Variants in HEPHL1 observed in about 807,000 individuals in gnomAD.
The protein encoded by HEPHL1 is ferroxidase HEPHL1.
A neutral mutation model predicts 122.0 loss-of-function variants in HEPHL1; 123 were observed. The observed-to-expected ratio is 1.01, with a 90% CI of 0.87 to 1.17. HEPHL1 has a LOEUF of 1.17. Among genes scored for constraint, HEPHL1 ranks in the 50% most tolerant of loss-of-function variants. HEPHL1 has a pLI of 0.00. For missense variants in HEPHL1, 1,452 were observed against 1,430.5 expected, an observed-to-expected ratio of 1.01 and a Z score of -0.24; for synonymous variants, 527 against 508.9, an observed-to-expected ratio of 1.04 and a Z score of -0.48.
intron 17 of HEPHL1, among the ~76,000 whole-genome samples, chr11:94,109,554 A>T (rs988179122): frequency 2.0e-5 from 3 of 152,200 alleles, no homozygotes; most frequent in Admixed American, 1.3e-4. Flanking sequence ...TTGATCATCA[A>T]CAAATGTTAA....
rs1565354176 is a variant in HEPHL1, at chr11:94,070,431, A to G, written c.1121A>G (p.Lys374Arg). 1 of 1,606,588 alleles carries G rather than the reference A, an allele frequency of 6.2e-7. No individual in the cohort carries two copies. Among genetic ancestry groups the G allele is most frequent in the Non-Finnish European group, 8.5e-7 (1 of 1,176,176 alleles). ...TGCAAAAGTGATATTTTCTACCCCA[A>G]GATGAAGGGTCAACAGAGGCGCTAC... ...DNCKSDIFYP[K>R]MKGQQRRYFI... The change falls in exon 6 of 20, where the codon AAG becomes AGG. Residue 374 changes from lysine (K) to arginine (R), a missense_variant. Physicochemically the swap from Lys to Arg is conservative, Grantham distance 26 (BLOSUM62 2). Coordinates refer to ENST00000315765, the MANE Select transcript of HEPHL1 (RefSeq NM_001098672.2).
At chr11:94,056,688 T>TCTAC (rs1945940007) in intron 2 of HEPHL1, among the ~76,000 whole-genome samples, 2 of 152,002 alleles carry the variant, frequency 1.3e-5, no homozygotes, top group Non-Finnish European at 2.9e-5. Flanking sequence ...TATCTATCTA[T>TCTAC]CTATCTATCT....
At chr11:94,022,050 T>C (rs7940306) in intron 1 of HEPHL1, among the ~76,000 whole-genome samples, 1 of 152,164 alleles carries the variant, frequency 6.6e-6, no homozygotes, top group Non-Finnish European at 1.5e-5. Context: ...TTTCCTTGAG[T>C]CTACTTAGAA....
intron 15 of HEPHL1, 129 bp downstream of exon 15, chr11:94,103,149 C>A: frequency 1.6e-6 from 1 of 632,362 alleles, no homozygotes; most frequent in South Asian, 1.9e-5. Flanking sequence ...CATACTATGG[C>A]CCATTTACGA....
intron 2 of HEPHL1, among the ~76,000 whole-genome samples, chr11:94,057,719 A>T (rs1272250269): frequency 6.6e-6 from 1 of 152,076 alleles, no homozygotes; most frequent in Non-Finnish European, 1.5e-5. Context: ...GAACATATTT[A>T]TTATAGCTGC....
At position 94,103,030 on chromosome 11, in the gene HEPHL1, AG is replaced by A. The variant is rs758588864; in HGVS notation, c.2682+11del. On this transcript the variant is annotated intron_variant, in intron 15 of 19. Coordinates refer to ENST00000315765, the MANE Select transcript of HEPHL1 (RefSeq NM_001098672.2). ...AGTAAACTTTGTGAAGGTAAGGTGG[AG>A]AAAGCAACCAAAAGGCTTAAAATAA... 48 of 1,459,088 alleles carry A rather than the reference AG, an allele frequency of 3.3e-5. No homozygotes were observed. The highest frequency in any genetic ancestry group is 4.3e-5 in the Non-Finnish European group (45 of 1,039,224). The allele number at this position is 1,459,088 out of a possible 1,614,324, so 90.4% of individuals were successfully genotyped here. A position where few individuals can be genotyped will look rare whatever the true frequency, so the allele number is the denominator to read the frequency against.
At chr11:94,105,891 C>A in intron 16 of HEPHL1, 100 bp from the exon 17 acceptor site, 1 of 763,228 alleles carries the variant, frequency 1.3e-6, no homozygotes, top group Non-Finnish European at 2.0e-6. Flanking sequence ...GTTTACTAGA[C>A]AGATGAAAAT....
At chr11:94,095,684 C>T (rs569845690) in intron 13 of HEPHL1, among the ~76,000 whole-genome samples, 62 of 152,122 alleles carry the variant, frequency 4.1e-4, no homozygotes, top group African/African-American at 1.4e-3. Context: ...TTGTTTGTGT[C>T]CTCTTTTATT....
intron 5 of HEPHL1, among the ~76,000 whole-genome samples, chr11:94,068,229 T>C (rs555476541): frequency 2.6e-5 from 4 of 152,282 alleles, no homozygotes; most frequent in Admixed American, 6.5e-5. Flanking sequence ...CATGTTCTTT[T>C]TGAGCAACTG....
chr11:94,104,155 A>G (rs1165299452), intron 15 of HEPHL1, among the ~76,000 whole-genome samples: 1 of 152,158 alleles, frequency 6.6e-6, no homozygotes, highest in African/African-American at 2.4e-5. Context: ...ATAGGGAAGT[A>G]GAGGGAGTGT....
chr11:94,067,740 C>A lies in HEPHL1; in HGVS notation c.1053C>A (p.Asp351Glu). 1.2e-6 allele frequency: 2 copies of A among 1,613,380 alleles called. No homozygotes were observed. The highest frequency in any genetic ancestry group is 8.5e-7 in the Non-Finnish European group (1 of 1,179,644). ...GKWMITCQVS[D>E]HLQAGMLGQY... ...GGATGATAACCTGCCAGGTCAGCGACCACCTACAAGGTAAAAAGGATAAAG... is the reference window on the plus strand; with the variant it reads ...GGATGATAACCTGCCAGGTCAGCGAACACCTACAAGGTAAAAAGGATAAAG... Residue 351 changes from aspartate (D) to glutamate (E), a missense_variant, in exon 5 of 20, where the codon GAC (aspartate) becomes GAA (glutamate). Coordinates refer to ENST00000315765, the MANE Select transcript of HEPHL1 (RefSeq NM_001098672.2).
At chr11:94,101,076 T>G in intron 13 of HEPHL1, 119 bp from the exon 14 acceptor site, 1 of 1,085,040 alleles carries the variant, frequency 9.2e-7, no homozygotes, top group Non-Finnish European at 1.4e-6. Flanking sequence ...TATATATGCC[T>G]TTCTCGGAAA....
chr11:94,038,131 T>C (rs1415390441), intron 1 of HEPHL1, among the ~76,000 whole-genome samples: 3 of 149,976 alleles, frequency 2.0e-5, no homozygotes, highest in Non-Finnish European at 4.4e-5. Context: ...CAATGGAAGA[T>C]GAAATGAATG....
chr11:94,049,809 G>A (rs531300859), intron 2 of HEPHL1, among the ~76,000 whole-genome samples: 2 of 151,826 alleles, frequency 1.3e-5, no homozygotes, highest in Non-Finnish European at 2.9e-5. Context: ...AGGCTTTTTG[G>A]CTATTTAGGT....
intron 2 of HEPHL1, among the ~76,000 whole-genome samples, chr11:94,059,564 C>T (rs1306237772): frequency 1.3e-5 from 2 of 152,112 alleles, no homozygotes; most frequent in African/African-American, 4.8e-5. Flanking sequence ...CAGCCTAGAA[C>T]ATATATAAGC....
intron 1 of HEPHL1, among the ~76,000 whole-genome samples, chr11:94,037,446 C>A (rs1459440853): frequency 2.0e-5 from 3 of 152,062 alleles, no homozygotes; most frequent in African/African-American, 7.2e-5. Flanking sequence ...ACAGCAGTAA[C>A]CTCTGCAGAC....
intron 1 of HEPHL1, among the ~76,000 whole-genome samples, chr11:94,022,146 G>A (rs534754052): frequency 6.6e-6 from 1 of 152,124 alleles, no homozygotes; most frequent in Non-Finnish European, 1.5e-5. Flanking sequence ...CTATAGCATA[G>A]CTAGGTGAGA....
rs1259121304 is a variant in HEPHL1, at chr11:94,040,094, C to T, written c.171-5579C>T. On this transcript the variant is annotated intron_variant, in intron 1 of 19. Transcript: ENST00000315765. ...TACCATCAGAGAATACTACAAACAC[C>T]TCTACGCAAATAAACTAGAAAATCT... 3.0e-4 allele frequency among the ~76,000 whole-genome samples: 21 copies of T among 69,882 alleles called. No individual in the cohort carries two copies. In the South Asian group the frequency reaches 4.5e-3, roughly 15 times the overall value. 45.8% of individuals were successfully genotyped at this position (69,882 alleles called of 152,430 possible).
At position 94,070,369 on chromosome 11, in the gene HEPHL1, T is replaced by G. The variant is rs1027676694; in HGVS notation, c.1064-5T>G. 2 of 1,584,790 alleles carry G rather than the reference T, an allele frequency of 1.3e-6. No individual in the cohort carries two copies. The highest frequency in any genetic ancestry group is 1.3e-5 in the African/African-American group (1 of 74,658). ...CTCAGCTCGTGGTTTTCCTCTGTTC[T>G]GCAGCTGGTATGCTGGGGCAATACA... On this transcript the variant is annotated splice_region_variant and splice_polypyrimidine_tract_variant and intron_variant, in intron 5 of 19. Transcript: ENST00000315765.
Sources: allele counts gnomAD v4.1 joint callset (sites outside exome capture counted in the v4.1 genomes callset), GRCh38; gene constraint gnomAD v4.1.1; transcripts MANE v1.5; gene names NCBI Gene and HGNC (gene_info 2026-07-23, HGNC 2026-07-21).